Variants in MSRA observed in about 807,000 individuals in gnomAD.
MSRA encodes mitochondrial peptide methionine sulfoxide reductase.
Under a neutral mutation model 31.3 loss-of-function variants are expected in MSRA, and 54 were observed. The ratio of observed to expected loss-of-function variants is 1.73; its 90% CI spans 1.39 to 2.17. The LOEUF (loss-of-function observed/expected upper bound fraction) is 2.17. Ranked by LOEUF, MSRA falls within the 30% of genes most tolerant of loss-of-function variation. MSRA has a pLI of 0.00. For missense variants in MSRA, 507 were observed against 300.9 expected (o/e 1.69, Z -5.07); for synonymous variants, 169 against 116.5 (o/e 1.45, Z -2.90).
intron 1 of MSRA, among the ~76,000 whole-genome samples, chr8:10,198,627 G>C (rs1808204395): frequency 6.6e-6 from 1 of 152,066 alleles, no homozygotes; most frequent in African/African-American, 2.4e-5. Context: ...GACATTCTTG[G>C]TTGGTTGTGG....
At chr8:10,090,673 T>C (rs1324409167) in intron 1 of MSRA, among the ~76,000 whole-genome samples, 2 of 152,202 alleles carry the variant, frequency 1.3e-5, no homozygotes, top group Non-Finnish European at 2.9e-5. Flanking sequence ...CCCATAGTCA[T>C]TGGCAGTCAC....
chr8:10,347,853 C>T (rs554950165), intron 5 of MSRA, among the ~76,000 whole-genome samples: 7 of 152,288 alleles, frequency 4.6e-5, no homozygotes, highest in East Asian at 3.9e-4. Flanking sequence ...TTACCACCTC[C>T]GCAGCTTAAA....
chr8:10,382,849 C>T (rs1169118185), intron 5 of MSRA, among the ~76,000 whole-genome samples: 2 of 152,178 alleles, frequency 1.3e-5, no homozygotes, highest in Non-Finnish European at 2.9e-5. Context: ...CAGTCTCTGC[C>T]CCTGACGGTT....
chr8:10,206,192 T>C (rs988262576), intron 1 of MSRA, among the ~76,000 whole-genome samples: 2 of 152,170 alleles, frequency 1.3e-5, no homozygotes, highest in East Asian at 3.9e-4. Context: ...AGATCTTTGA[T>C]CTCCACACGG....
chr8:10,367,454 C>T (rs1376330093), intron 5 of MSRA, among the ~76,000 whole-genome samples: 8 of 152,184 alleles, frequency 5.3e-5, no homozygotes, highest in African/African-American at 1.4e-4. Flanking sequence ...GAGCATCCAC[C>T]GGGGGTCTTG....
chr8:10,421,966 G>A (rs745847699), intron 5 of MSRA, among the ~76,000 whole-genome samples: 1 of 152,312 alleles, frequency 6.6e-6, no homozygotes, highest in Non-Finnish European at 1.5e-5. Context: ...GGGAAATGGA[G>A]CCAGTACTCT....
Position 10,383,487 on chromosome 8 carries a change from A to C in MSRA, c.544-44661A>C, listed in dbSNP as rs546917608. On this transcript the variant is annotated intron_variant, in intron 5 of 5. Coordinates refer to ENST00000317173, the MANE Select transcript of MSRA (RefSeq NM_012331.5). The stretch of plus-strand genomic sequence containing the variant: ...TTTCAATTTGGTTCCTGCGGCTTAA[A>C]AGGTTGCTGGAACACTTCAGCAAAA... Among the ~76,000 whole-genome samples the C allele has an allele frequency of 9.9e-5, 15 of 152,258 alleles. No homozygotes were observed. The East Asian group carries it at 2.9e-3, about 29-fold the overall frequency.
At chr8:10,249,625 C>G (rs1049102197) in intron 3 of MSRA, among the ~76,000 whole-genome samples, 3 of 152,300 alleles carry the variant, frequency 2.0e-5, no homozygotes, top group African/African-American at 7.2e-5. Flanking sequence ...CTGAAAGCCA[C>G]CCACCACCAG....
intron 3 of MSRA, among the ~76,000 whole-genome samples, chr8:10,246,282 G>A (rs529033668): frequency 9.9e-5 from 15 of 152,252 alleles, no homozygotes; most frequent in African/African-American, 3.6e-4. Context: ...CTCTATTCTA[G>A]GCTAACAGGG....
chr8:10,236,119 C>G (rs1347269632), intron 2 of MSRA, among the ~76,000 whole-genome samples: 6 of 152,148 alleles, frequency 3.9e-5, no homozygotes, highest in Admixed American at 6.5e-5. Flanking sequence ...TGGAAGGAAA[C>G]TTTCTCAACC....
intron 5 of MSRA, among the ~76,000 whole-genome samples, chr8:10,334,165 GGTGTGTGTGTGTGTGTGTATTTATGTGT>G (rs57831132): frequency 0.094 from 13,464 of 143,440 alleles, 802 homozygotes; most frequent in Non-Finnish European, 0.14. Flanking sequence ...AACATATAGG[GGTGTGTGTGTGTGTGTGTATTTATGTGT>G]GTGTGTGTGT....
intron 1 of MSRA, among the ~76,000 whole-genome samples, chr8:10,196,358 T>C (rs1216221810): frequency 6.6e-6 from 1 of 152,066 alleles, no homozygotes; most frequent in African/African-American, 2.4e-5. Context: ...ATGAGCAAGT[T>C]CCTCGGTGGG....
intron 2 of MSRA, among the ~76,000 whole-genome samples, chr8:10,218,653 T>A (rs555344690): frequency 1.3e-5 from 2 of 152,340 alleles, no homozygotes; most frequent in South Asian, 4.1e-4. Flanking sequence ...GTGGTGATTT[T>A]CCTTATGTAC....
At chr8:10,305,127 G>T (rs1380579909) in intron 4 of MSRA, among the ~76,000 whole-genome samples, 1 of 152,082 alleles carries the variant, frequency 6.6e-6, no homozygotes, top group Non-Finnish European at 1.5e-5. Context: ...GACTTGAAGG[G>T]GCCTTAAATT....
At chr8:10,162,892 G>T (rs1013541017) in intron 1 of MSRA, among the ~76,000 whole-genome samples, 6 of 152,138 alleles carry the variant, frequency 3.9e-5, no homozygotes, top group African/African-American at 7.2e-5. Context: ...GTGTGTAAAG[G>T]TGGGTTCACG....
intron 1 of MSRA, among the ~76,000 whole-genome samples, chr8:10,119,091 C>T (rs536808723): frequency 2.0e-5 from 3 of 152,274 alleles, no homozygotes; most frequent in South Asian, 2.1e-4. Context: ...GTCTTTTAGC[C>T]TTCTGTATAT....
chr8:10,084,910 AT>A (rs1798479757), intron 1 of MSRA, among the ~76,000 whole-genome samples: 1 of 151,630 alleles, frequency 6.6e-6, no homozygotes, highest in Non-Finnish European at 1.5e-5. Context: ...ACATTCTTTT[AT>A]TTTTTAAAAA....
At chr8:10,093,014 G>A (rs1798933390) in intron 1 of MSRA, among the ~76,000 whole-genome samples, 1 of 151,952 alleles carries the variant, frequency 6.6e-6, no homozygotes, top group Non-Finnish European at 1.5e-5. Flanking sequence ...CTCTCTTGGG[G>A]TTTCTTTTTG....
chr8:10,110,201 G>T (rs1262155108), intron 1 of MSRA, among the ~76,000 whole-genome samples: 2 of 152,162 alleles, frequency 1.3e-5, no homozygotes, highest in Admixed American at 6.5e-5. Flanking sequence ...TAATATCTTT[G>T]TGAAGCTGGG....
Sources: gnomAD v4.1 joint callset for allele counts (sites outside exome capture counted in the v4.1 genomes callset) on GRCh38, gnomAD v4.1.1 for gene constraint, MANE v1.5 for transcripts, NCBI Gene and HGNC (gene_info 2026-07-23, HGNC 2026-07-21) for gene names.